CACNA2D2: variants seen among roughly 807,000 people sequenced by gnomAD.
CACNA2D2 encodes calcium voltage-gated channel auxiliary subunit alpha2delta 2.
CACNA2D2 carries 48 observed loss-of-function variants against 166.4 expected under a neutral mutation model. The ratio of observed to expected loss-of-function variants is 0.29; its 90% CI spans 0.23 to 0.37. The LOEUF is 0.37. Ranked by LOEUF, CACNA2D2 falls within the 10% of genes least tolerant of loss-of-function variation. The probability of loss-of-function intolerance (pLI) is 1.00; values close to 1 mark genes in which losing one functional copy is unlikely to be tolerated. For synonymous variants in CACNA2D2, 561 were observed against 573.7 expected, an observed-to-expected ratio of 0.98 and a Z score of 0.32; for missense variants, 1,122 against 1,433.0, an observed-to-expected ratio of 0.78 and a Z score of 3.50.
rs893202922 is a variant in CACNA2D2, at chr3:50,413,911, G to A, written c.406-19743C>T. 2.0e-5 allele frequency among the ~76,000 whole-genome samples: 3 copies of A among 151,970 alleles called. No homozygotes were observed. The South Asian group carries it at 6.2e-4, about 32-fold the overall frequency. ...CAGAAGCCAGGGTTTCGGTTGCCAGGGCCCCATTTCCCCCATGAAACCCAC... is the reference window on the plus strand; with the variant it reads ...CAGAAGCCAGGGTTTCGGTTGCCAGAGCCCCATTTCCCCCATGAAACCCAC... On this transcript the variant is annotated intron_variant, in intron 3 of 37. Coordinates refer to ENST00000424201, the MANE Select transcript of CACNA2D2 (RefSeq NM_006030.4).
chr3:50,452,972 C>T (rs559189889), intron 2 of CACNA2D2, among the ~76,000 whole-genome samples: 1 of 152,326 alleles, frequency 6.6e-6, no homozygotes, highest in African/African-American at 2.4e-5. Context: ...AGGATTTCCT[C>T]TTTGTCTGAA....
chr3:50,468,380 AGTGTGTGTGTGT>A (rs3220659), intron 2 of CACNA2D2, among the ~76,000 whole-genome samples: 2,399 of 83,130 alleles, frequency 0.029, 38 homozygotes, highest in Middle Eastern at 0.051. Context: ...TCATCAGAAT[AGTGTGTGTGTGT>A]GTGTGTGTGT....
intron 1 of CACNA2D2, among the ~76,000 whole-genome samples, chr3:50,478,646 G>A (rs1697905273): frequency 6.6e-6 from 1 of 152,192 alleles, no homozygotes; most frequent in Non-Finnish European, 1.5e-5. Context: ...AGGAAACTGA[G>A]GCATAGTGGG....
intron 2 of CACNA2D2, among the ~76,000 whole-genome samples, chr3:50,464,127 GC>G (rs1021941113): frequency 6.6e-6 from 1 of 152,154 alleles, no homozygotes; most frequent in Non-Finnish European, 1.5e-5. Context: ...TGAGACTGAA[GC>G]CCCCCCAGCG....
chr3:50,367,529 A>G lies in CACNA2D2; in HGVS notation c.2298-32T>C. On this transcript the variant is annotated intron_variant, in intron 26 of 37. Coordinates refer to ENST00000424201, the MANE Select transcript of CACNA2D2 (RefSeq NM_006030.4). This position sits in a 1 kb window ranked among gnomAD's most constrained non-coding sequence, Gnocchi z 6.5. ...CACCCAAGAGGCAGACTGGTAGGTA[A>G]GGGGTGGCTTGTCGGGGACAGTGGT... is the stretch of plus-strand genomic sequence containing the variant. The G allele has an allele frequency of 1.2e-6, 2 of 1,610,758 alleles. No individual in the cohort carries two copies. Among genetic ancestry groups the G allele is most frequent in the Non-Finnish European group, 1.7e-6 (2 of 1,177,248 alleles).
At position 50,367,413 on chromosome 3, in the gene CACNA2D2, G is replaced by T; in HGVS notation, c.2382C>A (p.Phe794Leu). 1.2e-6 allele frequency: 2 copies of T among 1,613,832 alleles called. No homozygotes were observed. Among genetic ancestry groups the T allele is most frequent in the Non-Finnish European group, 1.7e-6 (2 of 1,179,980 alleles). Residue 794 changes from phenylalanine to leucine, a missense_variant, in exon 27 of 38, where the codon TTC becomes TTA. Around this residue, in one of 2 missense-constraint regions of CACNA2D2, gnomAD observed 840 missense variants for 1,166.8 expected, o/e 0.72. Transcript: ENST00000424201. The surrounding 1 kb of genome is among the most constrained non-coding windows in gnomAD (Gnocchi z 6.5). ...ACTCACCATCCTGGTGTGGGGGCTT[G>T]AAGACATAACCGTGGTTATCCAGGC... The part of the protein sequence containing the change: ...RRSLDNHGYV[F>L]KPPHQDALLR...
Position 50,367,169 on chromosome 3 carries a change from C to T in CACNA2D2, c.2402-60G>A. 1 of 1,315,184 alleles carries T rather than the reference C, an allele frequency of 7.6e-7. No homozygotes were observed. Among genetic ancestry groups the T allele is most frequent in the Non-Finnish European group, 1.1e-6 (1 of 921,464 alleles). 81.5% of individuals were successfully genotyped at this position (1,315,184 alleles called of 1,614,324 possible). On this transcript the variant is annotated intron_variant, in intron 27 of 37. Coordinates refer to ENST00000424201, the MANE Select transcript of CACNA2D2 (RefSeq NM_006030.4). This position sits in a 1 kb window ranked among gnomAD's most constrained non-coding sequence, Gnocchi z 6.5. The stretch of plus-strand genomic sequence containing the variant: ...TGGCGGCCACACTGACCACTCTATG[C>T]TGGGTCCTACAAACCCAGCAGTCCA...
chr3:50,416,883 C>T (rs542896292), intron 3 of CACNA2D2, among the ~76,000 whole-genome samples: 15 of 152,276 alleles, frequency 9.9e-5, no homozygotes, highest in Admixed American at 3.3e-4. Flanking sequence ...GTGTGCCCAT[C>T]GGGTGCACAC....
chr3:50,366,414 TCA>T lies in CACNA2D2; in HGVS notation c.2638-78_2638-77del. On this transcript the variant is annotated intron_variant, in intron 30 of 37. Coordinates refer to ENST00000424201, the MANE Select transcript of CACNA2D2 (RefSeq NM_006030.4). The surrounding 1 kb of genome is among the most constrained non-coding windows in gnomAD (Gnocchi z 5.9). ...CTTCCACCGCAGGCAGTCCAGTGGT[TCA>T]GAGTTGGGGGGCATCACTCCCCCAG... The T allele has an allele frequency of 3.3e-6, 5 of 1,536,818 alleles. No homozygotes were observed. Among genetic ancestry groups the T allele is most frequent in the Non-Finnish European group, 4.5e-6 (5 of 1,110,264 alleles).
rs770783589 is a variant in CACNA2D2, at chr3:50,427,029, T to C, written c.405+7284A>G. Among the ~76,000 whole-genome samples the C allele has an allele frequency of 1.6e-4, 24 of 152,000 alleles. No individual in the cohort carries two copies. Among genetic ancestry groups the C allele is most frequent in the Non-Finnish European group, 2.6e-4 (18 of 67,998 alleles). Reference sequence around the variant, plus strand: ...ACAGAGATGCAGGCAGGGGAGGCCGTCCCCACACTCATGTCCAGCTGTTGG... The same window carrying C: ...ACAGAGATGCAGGCAGGGGAGGCCGCCCCCACACTCATGTCCAGCTGTTGG... On this transcript the variant is annotated intron_variant, in intron 3 of 37. Transcript: ENST00000424201. The surrounding 1 kb of genome is among the most constrained non-coding windows in gnomAD (Gnocchi z 4.7).
chr3:50,433,657 C>T (rs951021072), intron 3 of CACNA2D2, among the ~76,000 whole-genome samples: 5 of 152,094 alleles, frequency 3.3e-5, no homozygotes, highest in African/African-American at 1.2e-4. Flanking sequence ...GCTGAGAAGC[C>T]CCATCCCACC....
rs200217699 is a variant in CACNA2D2, at chr3:50,365,451, C to T, written c.3003G>A (p.Thr1001=). 8.1e-6 allele frequency: 13 copies of T among 1,613,588 alleles called. No individual in the cohort carries two copies. Among genetic ancestry groups the T allele is most frequent in the African/African-American group, 1.3e-5 (1 of 75,062 alleles). The change falls in exon 35 of 38, where the codon ACG becomes ACA. Residue 1001 remains threonine (T), a synonymous_variant. Coordinates refer to ENST00000424201, the MANE Select transcript of CACNA2D2 (RefSeq NM_006030.4). This position sits in a 1 kb window ranked among gnomAD's most constrained non-coding sequence, Gnocchi z 4.5. The part of the protein sequence containing the change: ...DPAEAEGSPE[T]RESSCVMKQT... ...GTTTCATGACGCAGCTGCTCTCGCGCGTCTCGGGGCTCCCCTCGGCCTCCG... is the reference window on the plus strand; with the variant it reads ...GTTTCATGACGCAGCTGCTCTCGCGTGTCTCGGGGCTCCCCTCGGCCTCCG...
At chr3:50,419,849 T>C (rs1707464776) in intron 3 of CACNA2D2, 1 of 152,248 alleles carries the variant, frequency 6.6e-6, no homozygotes, top group Non-Finnish European at 1.5e-5. Flanking sequence ...GGGTCAGGCC[T>C]GGTTAGTACT....
chr3:50,499,061 C>T (rs529043660), intron 1 of CACNA2D2, among the ~76,000 whole-genome samples: 1 of 152,298 alleles, frequency 6.6e-6, no homozygotes, highest in African/African-American at 2.4e-5. Context: ...CTGGAGACGT[C>T]CCCCACCACA....
chr3:50,362,856 A>T lies in CACNA2D2; in HGVS notation c.*1810T>A. The T allele has an allele frequency of 5.8e-6, 2 of 347,674 alleles. No homozygotes were observed. The highest frequency in any genetic ancestry group is 1.0e-5 in the Non-Finnish European group (2 of 195,662). The allele number at this position is 347,674 out of a possible 1,614,324, so 21.5% of individuals were successfully genotyped here. ...CTGATCTTCTGTAATAAACCATTTG[A>T]AAATATTTTACAAGGAATCACACAC... On this transcript the variant is annotated 3_prime_UTR_variant, in exon 38 of 38. Coordinates refer to ENST00000424201, the MANE Select transcript of CACNA2D2 (RefSeq NM_006030.4).
intron 2 of CACNA2D2, among the ~76,000 whole-genome samples, chr3:50,456,580 T>C (rs550507946): frequency 6.6e-6 from 1 of 152,294 alleles, no homozygotes; most frequent in South Asian, 2.1e-4. Flanking sequence ...GAACGACCGT[T>C]GTCTCCAGGG....
intron 2 of CACNA2D2, among the ~76,000 whole-genome samples, chr3:50,436,628 C>A (rs1238235236): frequency 3.3e-5 from 5 of 152,242 alleles, no homozygotes; most frequent in African/African-American, 1.2e-4. Flanking sequence ...CAGTAGTACC[C>A]ACCTCACAGG....
chr3:50,484,891 G>A (rs1305257926), intron 1 of CACNA2D2, among the ~76,000 whole-genome samples: 4 of 152,260 alleles, frequency 2.6e-5, no homozygotes, highest in Admixed American at 2.6e-4. Context: ...TGTGTGGCCG[G>A]CCATGGGGTA....
intron 2 of CACNA2D2, among the ~76,000 whole-genome samples, chr3:50,442,338 G>T (rs936198844): frequency 6.6e-6 from 1 of 152,190 alleles, no homozygotes; most frequent in Non-Finnish European, 1.5e-5. Context: ...AGCCATCCAC[G>T]ATGTATCTCC....
Sources: gnomAD v4.1 joint callset for allele counts (sites outside exome capture counted in the v4.1 genomes callset) on GRCh38, gnomAD v4.1.1 for gene constraint, gnomAD v4.1.1 regional missense constraint, Gnocchi (gnomAD v3.1) non-coding constraint, MANE v1.5 for transcripts, NCBI Gene and HGNC (gene_info 2026-07-23, HGNC 2026-07-21) for gene names.